The following CDKAL1 variants were observed in gnomAD, a reference collection of about 807,000 sequenced individuals.
CDKAL1 encodes threonylcarbamoyladenosine tRNA methylthiotransferase.
In CDKAL1, 32 loss-of-function variants were observed where a neutral mutation model predicts 68.2. The observed-to-expected ratio is 0.47, with a 90% CI of 0.35 to 0.63. CDKAL1 has a LOEUF of 0.63. CDKAL1 is among the 30% of genes least tolerant of loss of function. The pLI is 0.00. For missense variants in CDKAL1, 606 were observed against 696.7 expected, an observed-to-expected ratio of 0.87 and a Z score of 1.47; for synonymous variants, 234 against 244.3, an observed-to-expected ratio of 0.96 and a Z score of 0.39.
rs1767261151 is a variant in CDKAL1 at position 20,622,941 on chromosome 6, T to C, written c.287-26352T>C. On this transcript the variant is annotated intron_variant, in intron 4 of 15. Coordinates refer to ENST00000274695, the MANE Select transcript of CDKAL1 (RefSeq NM_017774.3). ...GACACACTAATTTTTTCCCCCTAAT[T>C]GTCTCAAACAAAAGGGAAACTACTT... Among the ~76,000 whole-genome samples the C allele has an allele frequency of 2.0e-5, 3 of 152,022 alleles. No homozygotes were observed. The South Asian group carries it at 6.2e-4, about 32-fold the overall frequency.
At chr6:20,749,952 C>T (rs4475313) in intron 6 of CDKAL1, among the ~76,000 whole-genome samples, 60,115 of 151,646 alleles carry the variant, frequency 0.4, 12,166 homozygotes, top group Non-Finnish European at 0.43. Flanking sequence ...ACAATCTTCC[C>T]GCCTCAGCCT....
chr6:20,671,478 T>C (rs1417343972), intron 5 of CDKAL1, among the ~76,000 whole-genome samples: 1 of 152,212 alleles, frequency 6.6e-6, no homozygotes, highest in Non-Finnish European at 1.5e-5. Flanking sequence ...AATTTATGAA[T>C]CTTTTTCAAG....
chr6:21,127,719 CA>C (rs1266502568), intron 13 of CDKAL1, among the ~76,000 whole-genome samples: 1 of 152,086 alleles, frequency 6.6e-6, no homozygotes, highest in African/African-American at 2.4e-5. Context: ...CACTGTACTC[CA>C]GCCTGGGTGA....
intron 11 of CDKAL1, among the ~76,000 whole-genome samples, chr6:21,046,922 C>G (rs752001645): frequency 6.6e-6 from 1 of 152,210 alleles, no homozygotes; most frequent in African/African-American, 2.4e-5. Context: ...ATCTCCTCCT[C>G]GTAAACCTTG....
chr6:21,003,060 G>C (rs1176053464), intron 11 of CDKAL1, among the ~76,000 whole-genome samples: 2 of 151,884 alleles, frequency 1.3e-5, no homozygotes, highest in Non-Finnish European at 2.9e-5. Flanking sequence ...ATTTTGTCTA[G>C]TCCATCTGTT....
intron 9 of CDKAL1, among the ~76,000 whole-genome samples, chr6:20,928,476 T>C (rs1000323580): frequency 6.6e-6 from 1 of 152,250 alleles, no homozygotes; most frequent in Admixed American, 6.5e-5. Context: ...TAGCTTGTTT[T>C]TGGAAGGGTA....
intron 5 of CDKAL1, among the ~76,000 whole-genome samples, chr6:20,738,832 A>G (rs1374254081): frequency 2.6e-5 from 4 of 152,196 alleles, no homozygotes; most frequent in African/African-American, 4.8e-5. Context: ...TAATTACACA[A>G]CAGAGTGGGG....
intron 12 of CDKAL1, among the ~76,000 whole-genome samples, chr6:21,081,389 A>C (rs1047531896): frequency 6.6e-6 from 1 of 152,098 alleles, no homozygotes; most frequent in Non-Finnish European, 1.5e-5. Context: ...ACCTTGTTTT[A>C]TACAAGTTTC....
intron 10 of CDKAL1, among the ~76,000 whole-genome samples, chr6:20,962,299 C>G (rs902059518): frequency 2.0e-5 from 3 of 152,136 alleles, no homozygotes; most frequent in Non-Finnish European, 4.4e-5. Context: ...AGGTTAATTA[C>G]AAATAGTGAT....
At chr6:20,887,028 A>T (rs1448882684) in intron 9 of CDKAL1, among the ~76,000 whole-genome samples, 1 of 152,236 alleles carries the variant, frequency 6.6e-6, no homozygotes, top group Non-Finnish European at 1.5e-5. Flanking sequence ...ATTTGAACAG[A>T]TACTTCAAAA....
intron 7 of CDKAL1, among the ~76,000 whole-genome samples, chr6:20,770,965 CTGTACT>C (rs1478553627): frequency 6.6e-6 from 1 of 152,148 alleles, no homozygotes; most frequent in Non-Finnish European, 1.5e-5. Flanking sequence ...TGGTGTCTCT[CTGTACT>C]TAGAAACATC....
At chr6:21,154,988 C>T (rs1340967684) in intron 13 of CDKAL1, among the ~76,000 whole-genome samples, 1 of 134,890 alleles carries the variant, frequency 7.4e-6, no homozygotes, top group Admixed American at 7.2e-5. Context: ...AGACTCCGTC[C>T]CCCACCCCCC....
chr6:21,032,090 C>T (rs1769320316), intron 11 of CDKAL1, among the ~76,000 whole-genome samples: 1 of 152,128 alleles, frequency 6.6e-6, no homozygotes, highest in Non-Finnish European at 1.5e-5. Flanking sequence ...ATACTGACAA[C>T]CAACCCATGG....
intron 8 of CDKAL1, among the ~76,000 whole-genome samples, chr6:20,839,575 A>G (rs1778092724): frequency 1.3e-5 from 2 of 152,066 alleles, no homozygotes; most frequent in Non-Finnish European, 2.9e-5. Context: ...CTCTTGTTGC[A>G]TAGTCTGCTT....
At chr6:20,926,113 C>G (rs976355045) in intron 9 of CDKAL1, among the ~76,000 whole-genome samples, 1 of 152,036 alleles carries the variant, frequency 6.6e-6, no homozygotes, top group Non-Finnish European at 1.5e-5. Context: ...GATATTGATA[C>G]ATGACATCAG....
chr6:20,635,198 G>T (rs567720569), intron 4 of CDKAL1, among the ~76,000 whole-genome samples: 1 of 152,206 alleles, frequency 6.6e-6, no homozygotes, highest in African/African-American at 2.4e-5. Context: ...TTTGTGAGTA[G>T]ATCTGGACAA....
rs1763697926 is a variant in CDKAL1 at position 20,548,635 on chromosome 6, T to C, written c.216T>C (p.Gly72=). The C allele has an allele frequency of 6.3e-7, 1 of 1,599,808 alleles. No individual in the cohort carries two copies. The highest frequency in any genetic ancestry group is 1.7e-5 in the Admixed American group (1 of 59,412). The change falls in exon 4 of 16, where the codon GGT becomes GGC. Residue 72 remains glycine, a synonymous_variant. Transcript: ENST00000274695. ...GIQKIWIRTW[G]CSHNNSDGEY... The stretch of plus-strand genomic sequence containing the variant: ...AGAAAATTTGGATACGAACATGGGG[T>C]TGTTCTCATAATAATTCAGATGGAG...
chr6:21,214,041 G>A (rs962847798), intron 15 of CDKAL1, among the ~76,000 whole-genome samples: 2 of 152,120 alleles, frequency 1.3e-5, no homozygotes, highest in African/African-American at 2.4e-5. Flanking sequence ...AGGCAAATCT[G>A]GAAACATGAT....
chr6:21,169,478 A>T (rs1481581242), intron 13 of CDKAL1, among the ~76,000 whole-genome samples: 1 of 152,134 alleles, frequency 6.6e-6, no homozygotes, highest in Non-Finnish European at 1.5e-5. Context: ...CTACCAAAAC[A>T]TACAAAAATT....
Sources: gnomAD v4.1 joint callset for allele counts (sites outside exome capture counted in the v4.1 genomes callset) on GRCh38, gnomAD v4.1.1 for gene constraint, MANE v1.5 for transcripts, NCBI Gene and HGNC (gene_info 2026-07-23, HGNC 2026-07-21) for gene names.